VPS53: variants seen among roughly 807,000 people sequenced by gnomAD.
The protein encoded by VPS53 is vacuolar protein sorting-associated protein 53 homolog.
In VPS53, 70 loss-of-function variants were observed where a neutral mutation model predicts 107.0. The ratio of observed to expected loss-of-function variants is 0.65; its 90% confidence interval spans 0.54 to 0.80. The LOEUF (loss-of-function observed/expected upper bound fraction) is 0.80, where lower values mean the gene tolerates loss of function less well. Ranked by LOEUF, VPS53 falls within the 30% of genes least tolerant of loss-of-function variation. The pLI is 0.00. For missense variants in VPS53, 917 were observed against 1,049.4 expected, an observed-to-expected ratio of 0.87 and a Z score of 1.74; for synonymous variants, 409 against 393.3, an observed-to-expected ratio of 1.04 and a Z score of -0.47.
intron 13 of VPS53, 97 bp from the exon 14 acceptor site, chr17:562,842 A>G (rs1194517505): frequency 4.4e-6 from 6 of 1,361,068 alleles, no homozygotes; most frequent in Admixed American, 2.5e-5. Context: ...TGCCACAAGT[A>G]ATCATTCCTA....
chr17:614,597 G>A (rs1969049295), intron 11 of VPS53, among the ~76,000 whole-genome samples: 1 of 152,184 alleles, frequency 6.6e-6, no homozygotes, highest in Non-Finnish European at 1.5e-5. Context: ...ATCTGTCACT[G>A]TCGGAGACAG....
In VPS53 at chr17:635,078, G is replaced by C. The variant is rs546920358; in HGVS notation, c.609-3450C>G. ...ATCTGTTGTTTCCTGACTTTTTAAT[G>C]ATCACCATTCTAACTGGTGTGAGAT... On this transcript the variant is annotated intron_variant, in intron 7 of 21. Coordinates refer to ENST00000437048, the MANE Select transcript of VPS53 (RefSeq NM_001128159.3). Among the ~76,000 whole-genome samples the C allele has an allele frequency of 3.3e-5, 5 of 152,228 alleles. No individual in the cohort carries two copies. The East Asian group carries it at 7.7e-4, about 23-fold the overall frequency.
At chr17:596,229 T>C (rs1428543150) in intron 12 of VPS53, among the ~76,000 whole-genome samples, 2 of 152,240 alleles carry the variant, frequency 1.3e-5, no homozygotes. Context: ...TTTTTATGTA[T>C]GCACAAAAGT....
rs557402810 is a variant in VPS53, at chr17:602,744, GAT to G, written c.1117-850_1117-849del. ...ATGTGAAACCCTAGAAGCAGCACATGATACACACAAGGGTCACTGATGACGTT... is the reference window on the plus strand; with the variant it reads ...ATGTGAAACCCTAGAAGCAGCACATGACACACAAGGGTCACTGATGACGTT... On this transcript the variant is annotated intron_variant, in intron 11 of 21. Coordinates refer to ENST00000437048, the MANE Select transcript of VPS53 (RefSeq NM_001128159.3). 3.0e-4 allele frequency among the ~76,000 whole-genome samples: 45 copies of G among 152,336 alleles called. No individual in the cohort carries two copies. In the East Asian group the frequency reaches 4.8e-3, roughly 16 times the overall value.
At chr17:613,956 C>G (rs1469856397) in intron 11 of VPS53, among the ~76,000 whole-genome samples, 2 of 152,246 alleles carry the variant, frequency 1.3e-5, no homozygotes, top group East Asian at 3.8e-4. Context: ...AAATGATGCA[C>G]TGACACACAC....
intron 4 of VPS53, among the ~76,000 whole-genome samples, chr17:672,851 G>A (rs1972018787): frequency 2.0e-5 from 3 of 152,172 alleles, no homozygotes; most frequent in South Asian, 4.1e-4. Context: ...AGTGGCTCAC[G>A]CCTGTAATCC....
At position 653,401 on chromosome 17, in the gene VPS53, G is replaced by A; in HGVS notation, c.498C>T (p.Thr166=). 6.2e-7 allele frequency: 1 copy of A among 1,614,232 alleles called. No homozygotes were observed. Residue 166 remains threonine, a synonymous_variant, in exon 7 of 22, where the codon ACC becomes ACT. Transcript: ENST00000437048. ...AGGVDSLEAM[T]RRRQYGEVAN... ...CAACTTCTCCGTATTGTCTTCGCCTGGTCATGGCTCTGCAAGGAAAGAATA... is the reference window on the plus strand; with the variant it reads ...CAACTTCTCCGTATTGTCTTCGCCTAGTCATGGCTCTGCAAGGAAAGAATA...
chr17:642,639 A>G (rs1486995368), intron 7 of VPS53, among the ~76,000 whole-genome samples: 182 of 148,000 alleles, frequency 1.2e-3, no homozygotes, highest in South Asian at 2.0e-3. Context: ...TTGGAAAGCG[A>G]GGACAACACT....
intron 4 of VPS53, among the ~76,000 whole-genome samples, chr17:688,056 A>T (rs1041178245): frequency 6.6e-6 from 1 of 152,194 alleles, no homozygotes; most frequent in Non-Finnish European, 1.5e-5. Context: ...TAGCTTTTCT[A>T]AAAATGAGGG....
Position 657,540 on chromosome 17 carries a change from C to A in VPS53, c.373-1587G>T, listed in dbSNP as rs1406991834. The A allele has an allele frequency of 8.1e-6, 10 of 1,242,056 alleles. No individual in the cohort carries two copies. In the Middle Eastern group the frequency reaches 5.8e-4, roughly 72 times the overall value. 76.9% of individuals were successfully genotyped at this position (1,242,056 alleles called of 1,614,324 possible). ...CCGCTTCAGATGCTTCTTGGCACCA[C>A]GAGCCATGGCTGCATTAGGCAAGGA... On this transcript the variant is annotated intron_variant, in intron 5 of 21. Coordinates refer to ENST00000437048, the MANE Select transcript of VPS53 (RefSeq NM_001128159.3).
At chr17:668,468 T>G (rs958979144) in intron 4 of VPS53, among the ~76,000 whole-genome samples, 1 of 152,234 alleles carries the variant, frequency 6.6e-6, no homozygotes, top group Admixed American at 6.5e-5. Flanking sequence ...CACAGCTTCA[T>G]GCTTTCTGTA....
intron 13 of VPS53, among the ~76,000 whole-genome samples, chr17:566,808 A>T (rs930571598): frequency 6.6e-6 from 1 of 151,210 alleles, no homozygotes; most frequent in Non-Finnish European, 1.5e-5. Context: ...CAGTGGTTTG[A>T]TCTCAGCTCA....
intron 1 of VPS53, chr17:714,401 C>A (rs988597408): frequency 5.3e-6 from 3 of 565,150 alleles, no homozygotes; most frequent in South Asian, 2.1e-5. Flanking sequence ...ACCACCAGAA[C>A]CCCCAGCCCT....
At position 524,472 on chromosome 17, in the gene VPS53, G is replaced by A. The variant is rs185901807; in HGVS notation, c.2086-2734C>T. Among the ~76,000 whole-genome samples, 11 of 152,286 alleles carry A rather than the reference G, an allele frequency of 7.2e-5. No individual in the cohort carries two copies. The highest frequency in any genetic ancestry group is 6.8e-3 in the Middle Eastern group (2 of 294). ...TAAATCAGGAGAAGATACGTGCAAC[G>A]TTGACAAGGGAACGGGGTTCCGAAC... On this transcript the variant is annotated intron_variant, in intron 19 of 21. Transcript: ENST00000437048. The surrounding 1 kb of genome is among the most constrained non-coding windows in gnomAD (Gnocchi z 4.5).
intron 13 of VPS53, 25 bp downstream of exon 13, chr17:586,245 A>C (rs368582932): frequency 1.2e-6 from 2 of 1,609,534 alleles, no homozygotes; most frequent in African/African-American, 2.7e-5. Context: ...ATGCAGGCAG[A>C]AAACAGCGAA....
chr17:661,746 G>A, intron 5 of VPS53, 63 bp downstream of exon 5: 1 of 1,462,354 alleles, frequency 6.8e-7, no homozygotes. Context: ...TTATTAGAAT[G>A]CCTAGATGAG....
intron 4 of VPS53, among the ~76,000 whole-genome samples, chr17:685,909 G>A (rs1467269785): frequency 6.6e-6 from 1 of 152,118 alleles, no homozygotes; most frequent in Non-Finnish European, 1.5e-5. Flanking sequence ...CTACTTGGAA[G>A]TCTGAGGTGG....
chr17:708,420 T>C (rs191699339), intron 2 of VPS53, among the ~76,000 whole-genome samples: 97 of 152,284 alleles, frequency 6.4e-4, no homozygotes, highest in African/African-American at 2.2e-3. Flanking sequence ...TTTAACACTT[T>C]CACTAATTCT....
intron 4 of VPS53, among the ~76,000 whole-genome samples, chr17:689,907 G>A (rs1243209152): frequency 6.6e-6 from 1 of 152,194 alleles, no homozygotes; most frequent in African/African-American, 2.4e-5. Flanking sequence ...ATGTAAAAGT[G>A]AAGAAGGCAA....
Sources: gnomAD v4.1 joint callset for allele counts (sites outside exome capture counted in the v4.1 genomes callset) on GRCh38, gnomAD v4.1.1 for gene constraint, Gnocchi (gnomAD v3.1) non-coding constraint, MANE v1.5 for transcripts, NCBI Gene and HGNC (gene_info 2026-07-23, HGNC 2026-07-21) for gene names.